Variants in SLC2A6 observed in about 807,000 individuals in gnomAD.
The protein encoded by SLC2A6 is solute carrier family 2 member 6.
In SLC2A6, 39 loss-of-function variants were observed where a neutral mutation model predicts 47.8. The observed-to-expected ratio is 0.82, with a 90% CI of 0.63 to 1.07. The LOEUF (loss-of-function observed/expected upper bound fraction) is 1.07, where lower values mean the gene tolerates loss of function less well. Among genes scored for constraint, SLC2A6 ranks in the 50% least tolerant of loss-of-function variants. The probability of loss-of-function intolerance (pLI) is 0.00; values close to 1 mark genes in which losing one functional copy is unlikely to be tolerated. For synonymous variants in SLC2A6, 346 were observed against 324.1 expected (o/e 1.07, Z -0.73); for missense variants, 650 against 707.6 (o/e 0.92, Z 0.92).
In SLC2A6 at chr9:133,471,570, C is replaced by G. The variant is rs1000959424; in HGVS notation, c.*451G>C. 1.9e-5 allele frequency: 3 copies of G among 156,240 alleles called. No homozygotes were observed. The highest frequency in any genetic ancestry group is 7.2e-5 in the African/African-American group (3 of 41,566). The allele number at this position is 156,240 out of a possible 1,614,324, so 9.7% of individuals were successfully genotyped here. A position where few individuals can be genotyped will look rare whatever the true frequency, so the allele number is the denominator to read the frequency against. Reference sequence around the variant, plus strand: ...GATGTTCCCTGTGGTGCCCATAAGACTTGTGAGGGCAAAGCCGGGTCTTCC... The same window carrying G: ...GATGTTCCCTGTGGTGCCCATAAGAGTTGTGAGGGCAAAGCCGGGTCTTCC... On this transcript the variant is annotated 3_prime_UTR_variant, in exon 10 of 10. Coordinates refer to ENST00000371899, the MANE Select transcript of SLC2A6 (RefSeq NM_017585.4).
intron 6 of SLC2A6, among the ~76,000 whole-genome samples, chr9:133,474,397 G>A (rs1219846043): frequency 6.6e-6 from 1 of 152,240 alleles, no homozygotes; most frequent in Non-Finnish European, 1.5e-5. Flanking sequence ...GGGGCAGGCT[G>A]ATGGAGATGT....
intron 1 of SLC2A6, 44 bp from the exon 2 acceptor site, chr9:133,478,460 T>A: frequency 6.2e-7 from 1 of 1,607,182 alleles, no homozygotes; most frequent in East Asian, 2.2e-5. Flanking sequence ...TCTGAGTCCC[T>A]CCTCCAGGGA....
In SLC2A6 at chr9:133,475,571, C is replaced by T. The variant is rs1554803125; in HGVS notation, c.603G>A (p.Glu201=). 10 of 1,607,228 alleles carry T rather than the reference C, an allele frequency of 6.2e-6. No homozygotes were observed. Among genetic ancestry groups the T allele is most frequent in the Non-Finnish European group, 7.6e-6 (9 of 1,178,530 alleles). ...GCAGGATCATGATGAGCACAGGCGC[C>T]TCCCCGGCCACAGCCAGCCAGCGCC... ...LPWRWLAVAG[E]APVLIMILLL... Residue 201 remains glutamate (E), a synonymous_variant, in exon 5 of 10, where the codon GAG becomes GAA. Transcript: ENST00000371899.
rs139812556 is a variant in SLC2A6 at position 133,472,063 on chromosome 9, G to T, written c.1482C>A (p.Ile494=). The change falls in exon 10 of 10, where the codon ATC becomes ATA. Residue 494 remains isoleucine (I), a synonymous_variant. Transcript: ENST00000371899. ...TTCTCCCCGTGCGGAAGAAGGACTC[G>T]ATCTGCTCCAGGGACCGTCCCTTGG... The part of the protein sequence containing the change: ...PETKGRSLEQ[I]ESFFRTGRRS... The T allele has an allele frequency of 1.2e-6, 2 of 1,613,336 alleles. No homozygotes were observed.
At chr9:133,473,666 C>T in intron 7 of SLC2A6, 66 bp from the exon 8 acceptor site, 6 of 1,418,122 alleles carry the variant, frequency 4.2e-6, no homozygotes, top group Non-Finnish European at 5.6e-6. Context: ...CTCAGAGCTC[C>T]TTCTGCAGAG....
Position 133,473,104 on chromosome 9 carries a change from C to A in SLC2A6, c.1368+1G>T. On this transcript the variant is annotated splice_donor_variant, in intron 9 of 9. Transcript: ENST00000371899. LOFTEE classifies it high-confidence loss of function. ...CCTGGGGCCTGGGGCTGAACACTCA[C>A]CACCACTGGCAGGAAGGACTTGGTG... 6.2e-7 allele frequency: 1 copy of A among 1,608,816 alleles called. No homozygotes were observed. Among genetic ancestry groups the A allele is most frequent in the East Asian group, 2.2e-5 (1 of 44,736 alleles).
In SLC2A6 at chr9:133,477,257, G is replaced by T; in HGVS notation, c.256-16C>A. On this transcript the variant is annotated splice_polypyrimidine_tract_variant and intron_variant, in intron 2 of 9. Coordinates refer to ENST00000371899, the MANE Select transcript of SLC2A6 (RefSeq NM_017585.4). ...TGAACACGGACTGCAGGGGAAGGGG[G>T]TGCAGGGCAGATATGTCTGGGCACT... is the stretch of plus-strand genomic sequence containing the variant. 6.5e-7 allele frequency: 1 copy of T among 1,549,776 alleles called. No homozygotes were observed.
chr9:133,479,032 C>T lies in SLC2A6; in HGVS notation c.28G>A (p.Gly10Ser). ...TCGGGGAAGGTGTCGTAGTCCGGGCCCTCGGCTCCCAGCAGCGGCTCCTGC... is the reference window on the plus strand; with the variant it reads ...TCGGGGAAGGTGTCGTAGTCCGGGCTCTCGGCTCCCAGCAGCGGCTCCTGC... MQEPLLGAEGPDYDTFPEKP... is the reference protein window; with the variant it reads MQEPLLGAESPDYDTFPEKP... The change falls in exon 1 of 10, where the codon GGC becomes AGC. Residue 10 changes from glycine (G) to serine (S), a missense_variant. By Grantham distance (56) the Gly-to-Ser change is moderately conservative. Transcript: ENST00000371899. 6.3e-7 allele frequency: 1 copy of T among 1,598,642 alleles called. No individual in the cohort carries two copies. Among genetic ancestry groups the T allele is most frequent in the Non-Finnish European group, 8.5e-7 (1 of 1,175,758 alleles).
chr9:133,476,178 C>T, intron 4 of SLC2A6, 59 bp downstream of exon 4: 1 of 1,354,454 alleles, frequency 7.4e-7, no homozygotes, highest in Non-Finnish European at 1.0e-6. Context: ...CCCACGTCTA[C>T]CTTGGCGGCA....
At chr9:133,478,573 C>T (rs1352851814) in intron 1 of SLC2A6, 157 bp from the exon 2 acceptor site, 3 of 767,644 alleles carry the variant, frequency 3.9e-6, no homozygotes, top group Non-Finnish European at 4.2e-6. Context: ...GCCCCAGCTC[C>T]CCTGGGAAAT....
rs1554801568 is a variant in SLC2A6 at position 133,471,978 on chromosome 9, C to A, written c.*43G>T. 6.3e-7 allele frequency: 1 copy of A among 1,595,510 alleles called. No individual in the cohort carries two copies. Among genetic ancestry groups the A allele is most frequent in the African/African-American group, 1.3e-5 (1 of 74,460 alleles). On this transcript the variant is annotated 3_prime_UTR_variant, in exon 10 of 10. Coordinates refer to ENST00000371899, the MANE Select transcript of SLC2A6 (RefSeq NM_017585.4). Reference sequence around the variant, plus strand: ...GCAGGTTTGTAGCCAACACAGAGGCCCAGCCACTGGGGGTTTGGCCCCCTC... The same window carrying A: ...GCAGGTTTGTAGCCAACACAGAGGCACAGCCACTGGGGGTTTGGCCCCCTC...
At chr9:133,475,876 C>T (rs1012012407) in intron 4 of SLC2A6, among the ~76,000 whole-genome samples, 2 of 152,242 alleles carry the variant, frequency 1.3e-5, no homozygotes, top group African/African-American at 4.8e-5. Context: ...GGCCTCCACC[C>T]AAGACCTCCA....
rs948276443 is a variant in SLC2A6 at position 133,473,696 on chromosome 9, T to C, written c.1037-96A>G. 26 of 1,284,762 alleles carry C rather than the reference T, an allele frequency of 2.0e-5. No homozygotes were observed. In the East Asian group the frequency reaches 6.8e-4, roughly 33 times the overall value. 79.6% of individuals were successfully genotyped at this position (1,284,762 alleles called of 1,614,324 possible). On this transcript the variant is annotated intron_variant, in intron 7 of 9. Transcript: ENST00000371899. ...GCAGAGCCCCTTGATACTTGCGTGG[T>C]CCAGCTCGTGTCTGGGACTAGAGAC...
In SLC2A6 at chr9:133,475,493, G is replaced by A. The variant is rs115511911; in HGVS notation, c.681C>T (p.Asp227=). 2.4e-4 allele frequency: 387 copies of A among 1,611,672 alleles called. 1 individual carries two copies. In the African/African-American group the frequency reaches 4.3e-3, roughly 18 times the overall value. The change falls in exon 5 of 10, where the codon GAC becomes GAT. Residue 227 remains aspartate, a synonymous_variant. Coordinates refer to ENST00000371899, the MANE Select transcript of SLC2A6 (RefSeq NM_017585.4). ...SPRFLLSRGR[D]EEALRALAWL... ...AGGCCAGCGCCCGCAGGGCCTCTTC[G>A]TCCCTGCCCCGAGAGAGCAGGAAGC... is the stretch of plus-strand genomic sequence containing the variant.
At position 133,473,117 on chromosome 9, in the gene SLC2A6, G is replaced by A. The variant is rs1464581039; in HGVS notation, c.1356C>T (p.Phe452=). ...GCTGAACACTCACCACCACTGGCAG[G>A]AAGGACTTGGTGAGGACGAAGGCGG... ...WLTAFVLTKS[F]LPVVSTFGLQ... Residue 452 remains phenylalanine, a synonymous_variant, in exon 9 of 10, where the codon TTC becomes TTT. Transcript: ENST00000371899. 2.5e-6 allele frequency: 4 copies of A among 1,610,062 alleles called. No individual in the cohort carries two copies. The highest frequency in any genetic ancestry group is 3.4e-6 in the Non-Finnish European group (4 of 1,179,028).
Position 133,475,450 on chromosome 9 carries a change from C to T in SLC2A6, c.724G>A (p.Val242Ile), listed in dbSNP as rs28477580. The T allele has an allele frequency of 2.8e-5, 45 of 1,611,526 alleles. No homozygotes were observed. The highest frequency in any genetic ancestry group is 3.5e-4 in the Middle Eastern group (2 of 5,660). The change falls in exon 5 of 10, where the codon GTC becomes ATC. Residue 242 changes from valine to isoleucine, a missense_variant. Transcript: ENST00000371899. ...RALAWLRGTD[V>I]DVHWEFEQIQ... The stretch of plus-strand genomic sequence containing the variant: ...TGCTCGAACTCCCAGTGGACATCGA[C>T]GTCCGTCCCACGCAGCCAGGCCAGC...
Position 133,475,448 on chromosome 9 carries a change from G to A in SLC2A6, c.726C>T (p.Val242=). The part of the protein sequence containing the change: ...RALAWLRGTD[V]DVHWEFEQIQ... ...TCTGCTCGAACTCCCAGTGGACATC[G>A]ACGTCCGTCCCACGCAGCCAGGCCA... Residue 242 remains valine, a synonymous_variant, in exon 5 of 10, where the codon GTC becomes GTT. Coordinates refer to ENST00000371899, the MANE Select transcript of SLC2A6 (RefSeq NM_017585.4). The A allele has an allele frequency of 1.9e-6, 3 of 1,611,320 alleles. No homozygotes were observed. The highest frequency in any genetic ancestry group is 1.7e-5 in the Admixed American group (1 of 59,994).
At chr9:133,476,216 G>A in intron 4 of SLC2A6, 21 bp downstream of exon 4, 1 of 1,588,656 alleles carries the variant, frequency 6.3e-7, no homozygotes. Flanking sequence ...CCTGCACACA[G>A]GAGTGCGGGG....
At chr9:133,472,212 A>AGCTCCAGGGTCCTCCT (rs782560562) in intron 9 of SLC2A6, 36 bp from the exon 10 acceptor site, 2 of 1,607,492 alleles carry the variant, frequency 1.2e-6, no homozygotes, top group Non-Finnish European at 1.7e-6. Context: ...CACAGGGAGA[A>AGCTCCAGGGTCCTCCT]GCTCCAGGGT....
Sources: gnomAD v4.1 joint callset for allele counts (sites outside exome capture counted in the v4.1 genomes callset) on GRCh38, gnomAD v4.1.1 for gene constraint, MANE v1.5 for transcripts, NCBI Gene and HGNC (gene_info 2026-07-23, HGNC 2026-07-21) for gene names.